Variants in SCMH1 observed in about 807,000 individuals in gnomAD.
SCMH1 encodes Scm polycomb group protein homolog 1.
In SCMH1, 37 loss-of-function variants were observed where a neutral mutation model predicts 70.8. That is an observed-to-expected ratio of 0.52 (90% CI 0.40 to 0.69). SCMH1 has a LOEUF of 0.69. SCMH1 is among the 30% of genes least tolerant of loss of function. The probability of loss-of-function intolerance (pLI) is 0.00; values close to 1 mark genes in which losing one functional copy is unlikely to be tolerated. For missense variants in SCMH1, 607 were observed against 827.3 expected, an observed-to-expected ratio of 0.73 and a Z score of 3.27; for synonymous variants, 292 against 307.4, an observed-to-expected ratio of 0.95 and a Z score of 0.52.
At chr1:41,065,643 G>A (rs931855448) in intron 10 of SCMH1, among the ~76,000 whole-genome samples, 1 of 152,110 alleles carries the variant, frequency 6.6e-6, no homozygotes, top group African/African-American at 2.4e-5. Context: ...AGAATAGAGA[G>A]CCCAGAAATA....
intron 2 of SCMH1, among the ~76,000 whole-genome samples, chr1:41,163,443 C>A (rs1036012217): frequency 6.6e-6 from 1 of 152,226 alleles, no homozygotes; most frequent in Non-Finnish European, 1.5e-5. Context: ...GGCAAAGGCA[C>A]CACTGGCCAC....
chr1:41,144,414 C>T (rs1205971433), intron 5 of SCMH1, among the ~76,000 whole-genome samples: 5 of 152,152 alleles, frequency 3.3e-5, no homozygotes, highest in Admixed American at 6.5e-5. Flanking sequence ...AAGGTTCACC[C>T]ATGTCAATGA....
intron 10 of SCMH1, among the ~76,000 whole-genome samples, chr1:41,059,148 C>G (rs1651674951): frequency 6.6e-6 from 1 of 152,170 alleles, no homozygotes; most frequent in Non-Finnish European, 1.5e-5. Context: ...CCAGGTTTAC[C>G]CTTCCCTGTT....
intron 12 of SCMH1, chr1:41,041,555 C>T (rs767120677): frequency 2.6e-5 from 4 of 152,148 alleles, no homozygotes; most frequent in East Asian, 1.9e-4. Context: ...TGTGGTCCCA[C>T]GAAGGTCCAC....
Position 41,113,210 on chromosome 1 carries a change from G to C in SCMH1, c.745+73C>G. The stretch of plus-strand genomic sequence containing the variant: ...TAGTGAAGTATACTGGTGAAGATAT[G>C]ATCATGACAGCCCTGGGTAGTCTCC... On this transcript the variant is annotated intron_variant, in intron 8 of 14. Transcript: ENST00000337495. The surrounding 1 kb of genome is among the most constrained non-coding windows in gnomAD (Gnocchi z 4.3). 1 of 1,542,656 alleles carries C rather than the reference G, an allele frequency of 6.5e-7. No homozygotes were observed. The highest frequency in any genetic ancestry group is 1.3e-5 in the South Asian group (1 of 79,926).
intron 10 of SCMH1, among the ~76,000 whole-genome samples, chr1:41,055,667 T>C (rs945993971): frequency 6.6e-6 from 1 of 152,212 alleles, no homozygotes; most frequent in African/African-American, 2.4e-5. Context: ...GCTGCATGCC[T>C]TCAGGTTTCC....
At chr1:41,066,721 C>T (rs1434563071) in intron 10 of SCMH1, among the ~76,000 whole-genome samples, 1 of 151,876 alleles carries the variant, frequency 6.6e-6, no homozygotes, top group Non-Finnish European at 1.5e-5. Context: ...TAGCTGGGAC[C>T]ACAGGTGCAC....
At chr1:41,196,261 C>T (rs1022331890) in intron 1 of SCMH1, among the ~76,000 whole-genome samples, 10 of 151,804 alleles carry the variant, frequency 6.6e-5, no homozygotes, top group African/African-American at 2.4e-4. Context: ...ATAGCTCAAA[C>T]AATCTTGAAA....
chr1:41,116,251 T>C (rs1670444215), intron 7 of SCMH1, among the ~76,000 whole-genome samples: 1 of 152,240 alleles, frequency 6.6e-6, no homozygotes, highest in Non-Finnish European at 1.5e-5. Context: ...AGGATGCTCT[T>C]AGTGTTGAGA....
At chr1:41,050,670 TAA>T (rs1448755890) in intron 10 of SCMH1, among the ~76,000 whole-genome samples, 1 of 151,930 alleles carries the variant, frequency 6.6e-6, no homozygotes, top group Non-Finnish European at 1.5e-5. Flanking sequence ...AGCCAGATAA[TAA>T]GAGAGGAGAT....
At chr1:41,125,969 C>T (rs758052898) in intron 6 of SCMH1, among the ~76,000 whole-genome samples, 52 of 152,148 alleles carry the variant, frequency 3.4e-4, no homozygotes, top group Non-Finnish European at 6.0e-4. Flanking sequence ...TGTATATACA[C>T]ACACACATAC....
At chr1:41,082,006 A>C (rs1660177211) in intron 8 of SCMH1, among the ~76,000 whole-genome samples, 1 of 152,180 alleles carries the variant, frequency 6.6e-6, no homozygotes. Context: ...AGGTATCCAT[A>C]TGGAAAAAAA....
chr1:41,186,066 C>T, intron 2 of SCMH1, 55 bp downstream of exon 2: 1 of 1,538,850 alleles, frequency 6.5e-7, no homozygotes. Flanking sequence ...AAAGCCAGTC[C>T]TTGCTAGGTC....
intron 13 of SCMH1, among the ~76,000 whole-genome samples, chr1:41,034,337 T>C (rs2281509): frequency 0.11 from 16,410 of 151,650 alleles, 1,278 homozygotes; most frequent in East Asian, 0.28. Flanking sequence ...CTTTTCTTTT[T>C]TTTTTTTTGA....
chr1:41,070,526 T>G, intron 10 of SCMH1, 69 bp downstream of exon 10: 2 of 1,590,486 alleles, frequency 1.3e-6, no homozygotes, highest in Non-Finnish European at 1.7e-6. Context: ...ATTACTGGTG[T>G]AAGACAAAAG....
intron 12 of SCMH1, among the ~76,000 whole-genome samples, chr1:41,039,152 A>G (rs535756028): frequency 2.0e-5 from 3 of 152,362 alleles, no homozygotes; most frequent in African/African-American, 7.2e-5. Context: ...TTCTCATTTT[A>G]TTCAGCTAAG....
intron 10 of SCMH1, among the ~76,000 whole-genome samples, chr1:41,056,048 G>C (rs1398569239): frequency 6.6e-6 from 1 of 152,174 alleles, no homozygotes; most frequent in East Asian, 1.9e-4. Context: ...TTGAGAGGTG[G>C]GGTCTACTCC....
chr1:41,144,421 A>T (rs193254283), intron 5 of SCMH1, among the ~76,000 whole-genome samples: 1 of 152,330 alleles, frequency 6.6e-6, no homozygotes, highest in African/African-American at 2.4e-5. Context: ...ACCCATGTCA[A>T]TGAGTGTATC....
intron 6 of SCMH1, among the ~76,000 whole-genome samples, chr1:41,120,834 A>G (rs964089288): frequency 6.6e-6 from 1 of 152,212 alleles, no homozygotes; most frequent in Non-Finnish European, 1.5e-5. Context: ...CTGGAACCCC[A>G]GGACTTCTTA....
Sources: allele counts gnomAD v4.1 joint callset (sites outside exome capture counted in the v4.1 genomes callset), GRCh38; gene constraint gnomAD v4.1.1; non-coding constraint Gnocchi (gnomAD v3.1); transcripts MANE v1.5; gene names NCBI Gene and HGNC (gene_info 2026-07-23, HGNC 2026-07-21).